The following DDHD2 variants were observed in gnomAD, a reference collection of about 807,000 sequenced individuals.
DDHD2 encodes DDHD domain containing 2.
A neutral mutation model predicts 91.2 loss-of-function variants in DDHD2; 62 were observed. The ratio of observed to expected loss-of-function variants is 0.68; its 90% confidence interval spans 0.55 to 0.84. The LOEUF (loss-of-function observed/expected upper bound fraction) is 0.84. Among genes scored for constraint, DDHD2 ranks in the 40% least tolerant of loss-of-function variants. The pLI, the probability that DDHD2 is intolerant of heterozygous loss-of-function variation, is 0.00. For missense variants in DDHD2, 740 were observed against 846.9 expected (o/e 0.87, Z 1.57); for synonymous variants, 271 against 293.9 (o/e 0.92, Z 0.80).
chr8:38,248,944 CAAA>C (rs35672008), intron 10 of DDHD2, among the ~76,000 whole-genome samples: 16 of 53,620 alleles, frequency 3.0e-4, no homozygotes, highest in Non-Finnish European at 5.0e-4. Flanking sequence ...GACTCCATCT[CAAA>C]AAAAAAAAAA....
At position 38,245,732 on chromosome 8, in the gene DDHD2, C is replaced by CT. The variant is rs1563305881; in HGVS notation, c.849-4dup. 1 of 1,612,282 alleles carries CT rather than the reference C, an allele frequency of 6.2e-7. No individual in the cohort carries two copies. Among genetic ancestry groups the CT allele is most frequent in the East Asian group, 2.2e-5 (1 of 44,866 alleles). On this transcript the variant is annotated splice_polypyrimidine_tract_variant and intron_variant, in intron 7 of 17. Coordinates refer to ENST00000397166, the MANE Select transcript of DDHD2 (RefSeq NM_015214.3). ...AGGTTTCCTGCTTATATTATTTTTC[C>CT]TTTTTTCAGAGATCTGCAGCGAATA...
chr8:38,263,317 AAAAAGATTCATCT>A (rs1475944969), downstream of DDHD2: 2 of 915,592 alleles, frequency 2.2e-6, no homozygotes, highest in Non-Finnish European at 2.6e-6. Flanking sequence ...GAAGGGGCAG[AAAAAGATTCATCT>A]GTCCTTCAGA....
chr8:38,252,058 C>G (rs764997411), intron 12 of DDHD2, 30 bp downstream of exon 12: 1 of 1,611,764 alleles, frequency 6.2e-7, no homozygotes, highest in East Asian at 2.2e-5. Flanking sequence ...CATTTTACAG[C>G]CTGCTATTTG....
At chr8:38,235,686 ACTACAGC>A (rs1804663352) in intron 3 of DDHD2, among the ~76,000 whole-genome samples, 1 of 150,116 alleles carries the variant, frequency 6.7e-6, no homozygotes, top group Non-Finnish European at 1.5e-5. Flanking sequence ...GCACCATTGA[ACTACAGC>A]CTGGGCAACG....
At chr8:38,242,454 G>C (rs1805329323) in intron 7 of DDHD2, 69 bp downstream of exon 7, 2 of 1,524,466 alleles carry the variant, frequency 1.3e-6, no homozygotes, top group African/African-American at 2.8e-5. Context: ...TATGCTTGGG[G>C]ACGTTTTTAT....
intron 7 of DDHD2, among the ~76,000 whole-genome samples, chr8:38,245,091 C>T (rs1466058759): frequency 6.6e-6 from 1 of 151,466 alleles, no homozygotes; most frequent in Admixed American, 6.6e-5. Flanking sequence ...AAACTGGGAT[C>T]CAAATAAAGC....
downstream of DDHD2, chr8:38,267,468 A>G: frequency 6.4e-7 from 1 of 1,557,092 alleles, no homozygotes; most frequent in Non-Finnish European, 8.7e-7. Context: ...GACATTAATA[A>G]TCCTGTTAAC....
downstream of DDHD2, chr8:38,267,069 A>T: frequency 7.0e-7 from 1 of 1,431,956 alleles, no homozygotes; most frequent in Non-Finnish European, 9.2e-7. Flanking sequence ...TCATGAAGGT[A>T]AACTACCTTT....
intron 6 of DDHD2, among the ~76,000 whole-genome samples, chr8:38,241,366 G>A (rs1017493949): frequency 6.6e-6 from 1 of 151,308 alleles, no homozygotes; most frequent in Non-Finnish European, 1.5e-5. Context: ...TGATGCCGAC[G>A]TTTTGAAGTT....
Position 38,238,123 on chromosome 8 carries a change from A to T in DDHD2, c.536A>T (p.Asp179Val). Reference sequence around the variant, plus strand: ...CATTACCAGCCAGTTGCAGGGTCTGATGATTGGGGTTCAACACCCACGGAG... The same window carrying T: ...CATTACCAGCCAGTTGCAGGGTCTGTTGATTGGGGTTCAACACCCACGGAG... ...MVHYQPVAGS[D>V]DWGSTPTEQG... The change falls in exon 5 of 18, where the codon GAT (aspartate) becomes GTT (valine). Residue 179 changes from aspartate (D) to valine (V), a missense_variant. Transcript: ENST00000397166. 6.2e-7 allele frequency: 1 copy of T among 1,613,284 alleles called. No homozygotes were observed. Among genetic ancestry groups the T allele is most frequent in the Middle Eastern group, 1.7e-4 (1 of 6,056 alleles).
chr8:38,249,899 A>T, intron 11 of DDHD2, 96 bp downstream of exon 11: 1 of 775,716 alleles, frequency 1.3e-6, no homozygotes, highest in Non-Finnish European at 2.0e-6. Flanking sequence ...GGAGCCAAGC[A>T]GTTTTTTGGT....
intron 1 of DDHD2, chr8:38,268,851 G>A (rs745815545): frequency 2.6e-6 from 4 of 1,524,586 alleles, no homozygotes; most frequent in East Asian, 4.8e-5. Context: ...GGGTCATGGG[G>A]AGGGAGGAAA....
At chr8:38,232,662 G>A (rs768723110) in intron 1 of DDHD2, among the ~76,000 whole-genome samples, 1 of 152,238 alleles carries the variant, frequency 6.6e-6, no homozygotes, top group South Asian at 2.1e-4. Flanking sequence ...GGAAATTAGG[G>A]TAAAATGTTT....
At chr8:38,245,691 GC>G (rs1219436807) in intron 7 of DDHD2, 50 bp from the exon 8 acceptor site, 1 of 1,493,376 alleles carries the variant, frequency 6.7e-7, no homozygotes, top group African/African-American at 1.4e-5. Context: ...ATTGGAAGCA[GC>G]TATTAAGTGT....
At chr8:38,253,279 T>G in intron 15 of DDHD2, 152 bp downstream of exon 15, 2 of 868,974 alleles carry the variant, frequency 2.3e-6, no homozygotes, top group Non-Finnish European at 3.5e-6. Flanking sequence ...AAGAGCTCTA[T>G]TCCTGCTTGC....
At chr8:38,255,194 CAAAAAAA>C (rs34259167) in intron 16 of DDHD2, 6 of 118,362 alleles carry the variant, frequency 5.1e-5, no homozygotes, top group Non-Finnish European at 7.5e-5. Flanking sequence ...GACTCCATCT[CAAAAAAA>C]AAAAAAAAAA....
chr8:38,260,716 T>A lies in DDHD2; in HGVS notation c.*143T>A, dbSNP rs1018569627. Reference sequence around the variant, plus strand: ...GCCACTTACTCACCACTGGGGTCTTTGGAAGATAATCTTCCTCTTTGGAAA... The same window carrying A: ...GCCACTTACTCACCACTGGGGTCTTAGGAAGATAATCTTCCTCTTTGGAAA... On this transcript the variant is annotated 3_prime_UTR_variant, in exon 18 of 18. Coordinates refer to ENST00000397166, the MANE Select transcript of DDHD2 (RefSeq NM_015214.3). The A allele has an allele frequency of 6.5e-6, 1 of 152,704 alleles. No individual in the cohort carries two copies. Among genetic ancestry groups the A allele is most frequent in the Non-Finnish European group, 1.5e-5 (1 of 68,086 alleles). The allele number at this position is 152,704 out of a possible 1,614,324, so 9.5% of individuals were successfully genotyped here. A position where few individuals can be genotyped will look rare whatever the true frequency, so the allele number is the denominator to read the frequency against.
chr8:38,252,005 T>C lies in DDHD2; in HGVS notation c.1438T>C (p.Tyr480His), dbSNP rs1193710221. Reference sequence around the variant, plus strand: ...TAGCAGTAATACTAGAAATGGTGACTATCTGGATGTTGGCATTGGGCAGGT... The same window carrying C: ...TAGCAGTAATACTAGAAATGGTGACCATCTGGATGTTGGCATTGGGCAGGT... ...CSSSNTRNGD[Y>H]LDVGIGQVSV... Residue 480 changes from tyrosine to histidine, a missense_variant, in exon 12 of 18, where the codon TAT becomes CAT. Around this residue, in one of 2 missense-constraint regions of DDHD2, gnomAD observed 693 missense variants for 764.2 expected, o/e 0.91. Coordinates refer to ENST00000397166, the MANE Select transcript of DDHD2 (RefSeq NM_015214.3). 2 of 1,614,012 alleles carry C rather than the reference T, an allele frequency of 1.2e-6. No homozygotes were observed. Among genetic ancestry groups the C allele is most frequent in the East Asian group, 2.2e-5 (1 of 44,886 alleles).
intron 3 of DDHD2, among the ~76,000 whole-genome samples, chr8:38,237,244 C>A (rs548579152): frequency 9.9e-4 from 150 of 151,876 alleles, no homozygotes; most frequent in Non-Finnish European, 2.0e-3. Flanking sequence ...AATGTGGTGG[C>A]GGGTGCCTGT....
Sources: gnomAD v4.1 joint callset for allele counts (sites outside exome capture counted in the v4.1 genomes callset) on GRCh38, gnomAD v4.1.1 for gene constraint, gnomAD v4.1.1 regional missense constraint, MANE v1.5 for transcripts, NCBI Gene and HGNC (gene_info 2026-07-23, HGNC 2026-07-21) for gene names.